Variants in TPR observed in about 807,000 individuals in gnomAD.
TPR encodes the protein nucleoprotein TPR.
A neutral mutation model predicts 316.1 loss-of-function variants in TPR; 51 were observed. The observed-to-expected ratio is 0.16, with a 90% CI of 0.13 to 0.20. The LOEUF is 0.20. Among genes scored for constraint, TPR ranks in the 10% least tolerant of loss-of-function variants. TPR has a pLI of 1.00. For synonymous variants in TPR, 981 were observed against 914.7 expected (o/e 1.07, Z -1.31); for missense variants, 2,272 against 2,754.8 (o/e 0.82, Z 3.92).
At position 186,311,759 on chromosome 1, in the gene TPR, A is replaced by G; in HGVS notation, c.*2212T>C. 1 of 736,966 alleles carries G rather than the reference A, an allele frequency of 1.4e-6. No homozygotes were observed. The highest frequency in any genetic ancestry group is 2.2e-6 in the Non-Finnish European group (1 of 460,326). The allele number at this position is 736,966 out of a possible 1,614,324, so 45.7% of individuals were successfully genotyped here. On this transcript the variant is annotated 3_prime_UTR_variant, in exon 51 of 51. Coordinates refer to ENST00000367478, the MANE Select transcript of TPR (RefSeq NM_003292.3). ...GAGGGTAGTATTCTTATTGCCCTCA[A>G]TTTTTATTTTCATTTCTTCACAGGC...
In TPR at chr1:186,341,239, C is replaced by T; in HGVS notation, c.3888+13G>A. 6.2e-7 allele frequency: 1 copy of T among 1,613,414 alleles called. No homozygotes were observed. Among genetic ancestry groups the T allele is most frequent in the Non-Finnish European group, 8.5e-7 (1 of 1,179,870 alleles). On this transcript the variant is annotated intron_variant, in intron 28 of 50. Transcript: ENST00000367478. Reference sequence around the variant, plus strand: ...AACAACATGCTTCCACTCTTGATAACTAAGCAACAAACCTTTGCTTGCATT... The same window carrying T: ...AACAACATGCTTCCACTCTTGATAATTAAGCAACAAACCTTTGCTTGCATT...
At chr1:186,336,297 C>T (rs1658339023) in intron 33 of TPR, among the ~76,000 whole-genome samples, 199 bp downstream of exon 33, 1 of 152,168 alleles carries the variant, frequency 6.6e-6, no homozygotes, top group African/African-American at 2.4e-5. Context: ...AAAATTTCAT[C>T]ATATCAAGGA....
At chr1:186,354,927 G>A (rs1658977274) in intron 17 of TPR, among the ~76,000 whole-genome samples, 1 of 151,904 alleles carries the variant, frequency 6.6e-6, no homozygotes, top group Non-Finnish European at 1.5e-5. Context: ...TTTTGAGACA[G>A]AATCTCACTC....
intron 46 of TPR, among the ~76,000 whole-genome samples, chr1:186,319,207 C>G (rs1165788087): frequency 3.9e-5 from 6 of 151,976 alleles, no homozygotes; most frequent in Non-Finnish European, 8.8e-5. Flanking sequence ...AAGGCTGCAC[C>G]TGAACTCCTG....
intron 20 of TPR, among the ~76,000 whole-genome samples, chr1:186,351,045 G>C (rs1658846849): frequency 6.6e-6 from 1 of 152,040 alleles, no homozygotes; most frequent in Non-Finnish European, 1.5e-5. Context: ...CATCATAAAA[G>C]GCAAAAGTCA....
At chr1:186,335,275 G>C in intron 34 of TPR, 63 bp downstream of exon 34, 3 of 1,584,956 alleles carry the variant, frequency 1.9e-6, no homozygotes, top group Non-Finnish European at 1.7e-6. Context: ...ATATCACCAA[G>C]CACTTTCAAG....
Position 186,345,664 on chromosome 1 carries a change from A to G in TPR, c.3129T>C (p.Val1043=). Reference sequence around the variant, plus strand: ...GAAGAGCTTCTTGTACTTCATTCTGAACACTAGAAAGTGTTTTCTTCAATT... The same window carrying G: ...GAAGAGCTTCTTGTACTTCATTCTGGACACTAGAAAGTGTTTTCTTCAATT... The part of the protein sequence containing the change: ...LSELKKTLSS[V]QNEVQEALQR... The change falls in exon 24 of 51, where the codon GTT becomes GTC. Residue 1043 remains valine, a synonymous_variant. Transcript: ENST00000367478. 3 of 1,613,128 alleles carry G rather than the reference A, an allele frequency of 1.9e-6. No homozygotes were observed. The highest frequency in any genetic ancestry group is 2.5e-6 in the Non-Finnish European group (3 of 1,179,656).
At position 186,347,446 on chromosome 1, in the gene TPR, T is replaced by C; in HGVS notation, c.2789A>G (p.Asn930Ser). ...SQRTGKGQPS[N>S]KEDVDDLVSQ... is the part of the protein sequence containing the mutation. The stretch of plus-strand genomic sequence containing the variant: ...CACAAGATCATCCACATCTTCTTTG[T>C]TGCTAGGCTGACCTAAAAGACATAA... The change falls in exon 22 of 51, where the codon AAC (asparagine) becomes AGC (serine). Residue 930 changes from asparagine (N) to serine (S), a missense_variant. Around this residue, in one of 10 missense-constraint regions of TPR, gnomAD observed 757 missense variants for 859.8 expected, o/e 0.88. Transcript: ENST00000367478. The C allele has an allele frequency of 6.2e-7, 1 of 1,613,872 alleles. No homozygotes were observed. Among genetic ancestry groups the C allele is most frequent in the Non-Finnish European group, 8.5e-7 (1 of 1,179,908 alleles).
In TPR at chr1:186,347,165, C is replaced by A. The variant is rs543630259; in HGVS notation, c.2943+127G>T. 7.2e-5 allele frequency: 71 copies of A among 984,506 alleles called. No individual in the cohort carries two copies. In the African/African-American group the frequency reaches 1.1e-3, roughly 16 times the overall value. 61.0% of individuals were successfully genotyped at this position (984,506 alleles called of 1,614,324 possible). A position where few individuals can be genotyped will look rare whatever the true frequency, so the allele number is the denominator to read the frequency against. On this transcript the variant is annotated intron_variant, in intron 22 of 50. Coordinates refer to ENST00000367478, the MANE Select transcript of TPR (RefSeq NM_003292.3). ...CTGGCTTATGAGACTCAAGTACTTT[C>A]ACAAGGTTAAAGGCAATGACCCTGG...
Position 186,312,168 on chromosome 1 carries a change from A to C in TPR, c.*1803T>G, listed in dbSNP as rs769660657. The C allele has an allele frequency of 6.2e-7, 1 of 1,612,964 alleles. No homozygotes were observed. The highest frequency in any genetic ancestry group is 1.7e-5 in the Admixed American group (1 of 60,018). On this transcript the variant is annotated 3_prime_UTR_variant, in exon 51 of 51. Transcript: ENST00000367478. ...CATTTTCCATGTGATATTCTAATAC[A>C]TAACAGGTGGCAGCATTCAGCAGTA... is the stretch of plus-strand genomic sequence containing the variant.
At chr1:186,321,125 T>C (rs1657764090) in intron 45 of TPR, among the ~76,000 whole-genome samples, 1 of 152,170 alleles carries the variant, frequency 6.6e-6, no homozygotes, top group Non-Finnish European at 1.5e-5. Context: ...GAATTCTGCA[T>C]GTTTATTGGA....
chr1:186,333,461 A>G, intron 36 of TPR, 67 bp from the exon 37 acceptor site: 2 of 1,564,018 alleles, frequency 1.3e-6, no homozygotes, highest in Non-Finnish European at 1.7e-6. Context: ...TATCCTTCCT[A>G]TTCTGTGGTA....
intron 23 of TPR, 121 bp from the exon 24 acceptor site, chr1:186,345,817 C>T (rs2272412): frequency 0.16 from 115,582 of 711,528 alleles, 10,610 homozygotes; most frequent in African/African-American, 0.28. Context: ...CAAAAAACTG[C>T]TGCTAAATTT....
intron 24 of TPR, among the ~76,000 whole-genome samples, chr1:186,345,171 G>A (rs1658639598): frequency 7.0e-6 from 1 of 142,508 alleles, no homozygotes; most frequent in Non-Finnish European, 1.6e-5. Flanking sequence ...TTTATAAATA[G>A]TATATAGATA....
chr1:186,372,056 A>G (rs1659545910), intron 2 of TPR, among the ~76,000 whole-genome samples: 1 of 152,224 alleles, frequency 6.6e-6, no homozygotes, highest in Non-Finnish European at 1.5e-5. Context: ...ATCTAGCTAT[A>G]TATGCTCCAT....
At chr1:186,321,676 A>G (rs1657780519) in intron 45 of TPR, among the ~76,000 whole-genome samples, 2 of 152,116 alleles carry the variant, frequency 1.3e-5, no homozygotes, top group South Asian at 4.1e-4. Flanking sequence ...AAATCATCTC[A>G]TATTCTTTCT....
intron 45 of TPR, among the ~76,000 whole-genome samples, chr1:186,320,664 T>C (rs1657751245): frequency 6.6e-6 from 1 of 152,228 alleles, no homozygotes; most frequent in African/African-American, 2.4e-5. Flanking sequence ...TCAGCTCTCC[T>C]GAACTATGCC....
chr1:186,341,754 T>C lies in TPR; in HGVS notation c.3751-365A>G, dbSNP rs74134831. 2.4e-3 allele frequency: 384 copies of C among 160,202 alleles called. 2 individuals are homozygous for C. The highest frequency in any genetic ancestry group is 9.6e-3 in the African/African-American group (368 of 38,534). 9.9% of individuals were successfully genotyped at this position (160,202 alleles called of 1,614,324 possible). On this transcript the variant is annotated intron_variant, in intron 27 of 50. Coordinates refer to ENST00000367478, the MANE Select transcript of TPR (RefSeq NM_003292.3). ...TAATCCTCAGTTTATTCCCTCTTGT[T>C]CAGAAATCTCTCATTTTGATCCATT...
intron 9 of TPR, 67 bp from the exon 10 acceptor site, chr1:186,360,972 C>T (rs1659168103): frequency 6.7e-7 from 1 of 1,499,820 alleles, no homozygotes; most frequent in Non-Finnish European, 9.0e-7. Context: ...CAAAATGCAA[C>T]AGATCAGTCA....
Sources: allele counts gnomAD v4.1 joint callset (sites outside exome capture counted in the v4.1 genomes callset), GRCh38; gene constraint gnomAD v4.1.1; regional missense constraint gnomAD v4.1.1; transcripts MANE v1.5; gene names NCBI Gene and HGNC (gene_info 2026-07-23, HGNC 2026-07-21).